The following DROSHA variants were observed in gnomAD, a reference collection of about 807,000 sequenced individuals.
DROSHA encodes drosha ribonuclease III, also known as ribonuclease 3.
Under a neutral mutation model 181.9 loss-of-function variants are expected in DROSHA, and 56 were observed. The ratio of observed to expected loss-of-function variants is 0.31; its 90% CI spans 0.25 to 0.38. The LOEUF is 0.38. DROSHA is among the 10% of genes least tolerant of loss of function. The pLI is 1.00. For missense variants in DROSHA, 1,218 were observed against 1,743.5 expected (o/e 0.70, Z 5.37); for synonymous variants, 524 against 591.2 (o/e 0.89, Z 1.65).
At chr5:31,464,917 T>A (rs374765181) in intron 19 of DROSHA, among the ~76,000 whole-genome samples, 1 of 152,176 alleles carries the variant, frequency 6.6e-6, no homozygotes, top group African/African-American at 2.4e-5. Context: ...TTTGCATGCA[T>A]GCAACTGAAT....
At chr5:31,407,028 CTTAG>C in intron 33 of DROSHA, 83 bp from the exon 34 acceptor site, 1 of 1,169,350 alleles carries the variant, frequency 8.6e-7, no homozygotes, top group Non-Finnish European at 1.2e-6. Context: ...AAACCATGTA[CTTAG>C]TGCCTAGACA....
chr5:31,401,785 A>G (rs1390438084), intron 35 of DROSHA, among the ~76,000 whole-genome samples: 1 of 152,174 alleles, frequency 6.6e-6, no homozygotes, highest in Non-Finnish European at 1.5e-5. Context: ...TGTAAATTTC[A>G]GTATCTGATG....
chr5:31,477,114 G>A (rs1750463546), intron 16 of DROSHA, among the ~76,000 whole-genome samples: 1 of 152,190 alleles, frequency 6.6e-6, no homozygotes, highest in Admixed American at 6.5e-5. Context: ...CATTATTCGG[G>A]AAGAACTGGA....
intron 23 of DROSHA, among the ~76,000 whole-genome samples, chr5:31,440,515 T>C (rs1001233657): frequency 2.0e-5 from 3 of 152,356 alleles, no homozygotes; most frequent in East Asian, 3.9e-4. Flanking sequence ...CATTTTGGAA[T>C]TTTACAGGAA....
At chr5:31,418,160 AAAC>A (rs1179150704) in intron 30 of DROSHA, among the ~76,000 whole-genome samples, 8 of 152,140 alleles carry the variant, frequency 5.3e-5, no homozygotes, top group African/African-American at 1.9e-4. Flanking sequence ...GCAATTTAAT[AAAC>A]ATCACTTCTT....
intron 28 of DROSHA, 53 bp from the exon 29 acceptor site, chr5:31,422,997 T>A (rs1410312410): frequency 6.9e-7 from 1 of 1,439,978 alleles, no homozygotes; most frequent in African/African-American, 1.4e-5. Flanking sequence ...TGGTTGTAAG[T>A]GCAATGATCA....
At chr5:31,518,570 C>T (rs1366358907) in intron 6 of DROSHA, among the ~76,000 whole-genome samples, 2 of 152,192 alleles carry the variant, frequency 1.3e-5, no homozygotes, top group East Asian at 1.9e-4. Flanking sequence ...CAGGTAATAA[C>T]GGCAACTCTT....
chr5:31,475,998 A>G (rs1018076355), intron 16 of DROSHA, among the ~76,000 whole-genome samples: 1 of 152,216 alleles, frequency 6.6e-6, no homozygotes, highest in African/African-American at 2.4e-5. Context: ...AGACTCACTT[A>G]AAGGCTTCAT....
In DROSHA at chr5:31,511,921, T is replaced by TCA. The variant is rs756142768; in HGVS notation, c.1291-747_1291-746dup. 4.1e-3 allele frequency among the ~76,000 whole-genome samples: 546 copies of TCA among 131,664 alleles called. 2 individuals are homozygous for TCA. Among genetic ancestry groups the TCA allele is most frequent in the African/African-American group, 0.014 (522 of 36,922 alleles). 86.4% of individuals were successfully genotyped at this position (131,664 alleles called of 152,430 possible). A position where few individuals can be genotyped will look rare whatever the true frequency, so the allele number is the denominator to read the frequency against. On this transcript the variant is annotated intron_variant, in intron 8 of 35. Transcript: ENST00000344624. Reference sequence around the variant, plus strand: ...CCTATATATCCCCTCTCTCTCTCTCTCACACACACGCACACACACACACAC... The same window carrying TCA: ...CCTATATATCCCCTCTCTCTCTCTCTCACACACACACGCACACACACACACAC...
chr5:31,415,179 G>T (rs935188045), intron 30 of DROSHA, among the ~76,000 whole-genome samples: 52 of 152,144 alleles, frequency 3.4e-4, no homozygotes, highest in Non-Finnish European at 2.9e-5. Flanking sequence ...AATCTGAAGG[G>T]AAAAACCACA....
intron 23 of DROSHA, among the ~76,000 whole-genome samples, chr5:31,444,790 C>T (rs1746051246): frequency 6.6e-6 from 1 of 152,200 alleles, no homozygotes; most frequent in African/African-American, 2.4e-5. Context: ...TGATCTTAGA[C>T]TCTCACAGAA....
At chr5:31,449,779 T>C (rs961994454) in intron 21 of DROSHA, among the ~76,000 whole-genome samples, 1 of 151,992 alleles carries the variant, frequency 6.6e-6, no homozygotes, top group African/African-American at 2.4e-5. Flanking sequence ...CTTTGTATCA[T>C]CCCAAATTAA....
At chr5:31,490,481 A>G (rs760243811) in intron 13 of DROSHA, among the ~76,000 whole-genome samples, 14 of 152,176 alleles carry the variant, frequency 9.2e-5, no homozygotes, top group Non-Finnish European at 1.9e-4. Context: ...AAATACACAT[A>G]TCTTTAAAAC....
At chr5:31,486,611 C>A (rs764794973) in intron 13 of DROSHA, 49 bp from the exon 14 acceptor site, 1 of 1,554,174 alleles carries the variant, frequency 6.4e-7, no homozygotes, top group Non-Finnish European at 8.8e-7. Flanking sequence ...TCCCTGCAGG[C>A]TCATATTATA....
chr5:31,463,865 C>T (rs1403373830), intron 20 of DROSHA, among the ~76,000 whole-genome samples: 3 of 152,132 alleles, frequency 2.0e-5, no homozygotes, highest in Non-Finnish European at 4.4e-5. Context: ...CTTTACGAGT[C>T]TGCTTGTATG....
At chr5:31,421,871 C>CAAAAAAAAAA (rs70955711) in intron 29 of DROSHA, 9 of 25,462 alleles carry the variant, frequency 3.5e-4, no homozygotes, top group African/African-American at 1.5e-3. Flanking sequence ...CCCATCTCTA[C>CAAAAAAAAAA]AAAAAAAAAA....
chr5:31,488,371 C>G (rs2150039872), intron 13 of DROSHA, among the ~76,000 whole-genome samples: 1 of 148,452 alleles, frequency 6.7e-6, no homozygotes, highest in South Asian at 2.1e-4. Context: ...CAAGATCATG[C>G]CACTTCACTC....
At chr5:31,423,100 G>C in intron 28 of DROSHA, 156 bp from the exon 29 acceptor site, 1 of 655,066 alleles carries the variant, frequency 1.5e-6, no homozygotes, top group Non-Finnish European at 2.4e-6. Context: ...TCATTTCTTT[G>C]AATGGCAAAC....
intron 11 of DROSHA, among the ~76,000 whole-genome samples, chr5:31,498,589 G>A (rs2150046739): frequency 6.6e-6 from 1 of 152,242 alleles, no homozygotes; most frequent in East Asian, 1.9e-4. Context: ...CAGGCACGGT[G>A]GCTCATGCCT....
Sources: allele counts gnomAD v4.1 joint callset (sites outside exome capture counted in the v4.1 genomes callset), GRCh38; gene constraint gnomAD v4.1.1; transcripts MANE v1.5; gene names NCBI Gene and HGNC (gene_info 2026-07-23, HGNC 2026-07-21).